The following DPP6 variants were observed in gnomAD, a reference collection of about 807,000 sequenced individuals.
DPP6 encodes dipeptidyl peptidase like 6.
DPP6 carries 69 observed loss-of-function variants against 122.6 expected under a neutral mutation model. That is an observed-to-expected ratio of 0.56 (90% CI 0.46 to 0.69). The LOEUF (loss-of-function observed/expected upper bound fraction) is 0.69, where lower values mean the gene tolerates loss of function less well. Ranked by LOEUF, DPP6 falls within the 30% of genes least tolerant of loss-of-function variation. DPP6 has a pLI of 0.00. For synonymous variants in DPP6, 418 were observed against 433.1 expected (o/e 0.97, Z 0.43); for missense variants, 928 against 1,116.9 (o/e 0.83, Z 2.41).
intron 1 of DPP6, among the ~76,000 whole-genome samples, chr7:153,925,733 C>T (rs761272431): frequency 1.1e-4 from 16 of 151,930 alleles, no homozygotes; most frequent in Non-Finnish European, 1.9e-4. Flanking sequence ...TTTGGATGAA[C>T]GGAGATCATC....
intron 1 of DPP6, among the ~76,000 whole-genome samples, chr7:154,153,908 G>A (rs1167415846): frequency 3.9e-5 from 6 of 152,158 alleles, no homozygotes. Flanking sequence ...GCCGTGGGTG[G>A]CAAACTCTCA....
chr7:153,877,850 G>C, the DPP6 span, among the ~76,000 whole-genome samples: 4 of 151,988 alleles, frequency 2.6e-5, no homozygotes, highest in African/African-American at 9.7e-5. Flanking sequence ...AGAAGTATTT[G>C]CAATGCTTAT....
intron 1 of DPP6, among the ~76,000 whole-genome samples, chr7:154,146,385 C>G (rs1304606321): frequency 7.1e-6 from 1 of 140,590 alleles, no homozygotes; most frequent in African/African-American, 2.5e-5. Context: ...CAAAATAGAT[C>G]CCACAGCACT....
intron 5 of DPP6, among the ~76,000 whole-genome samples, chr7:154,593,512 C>G (rs1832921718): frequency 6.6e-6 from 1 of 152,228 alleles, no homozygotes; most frequent in Non-Finnish European, 1.5e-5. Context: ...ATTATCAACT[C>G]TGGCAAGCTC....
Position 154,052,765 on chromosome 7 carries a change from A to T in DPP6, c.-56A>T. Reference sequence around the variant, plus strand: ...GAGCGGGGTGGGGAGTGGGAACCGGAGAGAAAGCAAAATATTAAAAAGCCC... The same window carrying T: ...GAGCGGGGTGGGGAGTGGGAACCGGTGAGAAAGCAAAATATTAAAAAGCCC... On this transcript the variant is annotated 5_prime_UTR_variant, in exon 1 of 26. Transcript: ENST00000377770. This position sits in a 1 kb window ranked among gnomAD's most constrained non-coding sequence, Gnocchi z 4.8. The T allele has an allele frequency of 7.4e-7, 1 of 1,358,456 alleles. No homozygotes were observed. 84.2% of individuals were successfully genotyped at this position (1,358,456 alleles called of 1,614,324 possible). A position where few individuals can be genotyped will look rare whatever the true frequency, so the allele number is the denominator to read the frequency against.
the DPP6 span, among the ~76,000 whole-genome samples, chr7:153,817,521 A>T: frequency 2.0e-5 from 3 of 151,752 alleles, no homozygotes; most frequent in Non-Finnish European, 4.4e-5. Context: ...CACAGAAAAG[A>T]TAAAAGTCAC....
intron 3 of DPP6, among the ~76,000 whole-genome samples, chr7:154,525,736 G>T (rs1264800188): frequency 2.9e-5 from 4 of 140,138 alleles, no homozygotes; most frequent in Non-Finnish European, 1.6e-5. Context: ...ATGTCTATTG[G>T]TTTTGTTGTT....
At chr7:153,886,742 T>C (rs189612446), upstream of DPP6, among the ~76,000 whole-genome samples, 152 of 152,146 alleles carry the variant, frequency 1.0e-3, no homozygotes, top group African/African-American at 3.3e-3. Context: ...TAGTAACCTG[T>C]TACAACATTA....
the DPP6 span, among the ~76,000 whole-genome samples, chr7:153,864,670 A>AACAC: frequency 9.9e-6 from 1 of 100,504 alleles, no homozygotes; most frequent in Non-Finnish European, 2.0e-5. Context: ...AAATAATAAT[A>AACAC]ATACACACAC....
the DPP6 span, among the ~76,000 whole-genome samples, chr7:153,779,240 C>G: frequency 6.8e-6 from 1 of 146,026 alleles, no homozygotes. Flanking sequence ...AGAGAAAATT[C>G]AAGATAAGCA....
At chr7:154,827,813 G>C (rs1800297611) in intron 16 of DPP6, among the ~76,000 whole-genome samples, 1 of 151,938 alleles carries the variant, frequency 6.6e-6, no homozygotes, top group African/African-American at 2.4e-5. Context: ...CAGATCCCAA[G>C]CGGAGTGAGG....
At chr7:154,140,151 C>G (rs1770007018) in intron 1 of DPP6, among the ~76,000 whole-genome samples, 1 of 152,188 alleles carries the variant, frequency 6.6e-6, no homozygotes, top group East Asian at 1.9e-4. Context: ...AATGTGCACT[C>G]AAGGAGCTCA....
rs369631649 is a variant in DPP6 at position 154,090,220 on chromosome 7, G to A, written c.243+37157G>A. Among the ~76,000 whole-genome samples, 739 of 152,110 alleles carry A rather than the reference G, an allele frequency of 4.9e-3. 5 individuals are homozygous for A. Among genetic ancestry groups the A allele is most frequent in the South Asian group, 0.023 (112 of 4,818 alleles). On this transcript the variant is annotated intron_variant, in intron 1 of 25. Transcript: ENST00000377770. ...TCATCTTTCCCAGTCTTCACACTTC[G>A]AGGACCCTCACTGCTGGTGGGGAGG...
At chr7:154,090,631 A>C (rs1804739433) in intron 1 of DPP6, among the ~76,000 whole-genome samples, 1 of 151,952 alleles carries the variant, frequency 6.6e-6, no homozygotes, top group Non-Finnish European at 1.5e-5. Flanking sequence ...CAGAGGCTGG[A>C]CTTGCTGCTT....
rs948455437 is a variant in DPP6, at chr7:154,624,233, C to T, written c.628-13588C>T. Among the ~76,000 whole-genome samples, 7 of 151,452 alleles carry T rather than the reference C, an allele frequency of 4.6e-5. No homozygotes were observed. Among genetic ancestry groups the T allele is most frequent in the Admixed American group, 2.6e-4 (4 of 15,172 alleles). On this transcript the variant is annotated intron_variant, in intron 5 of 25. Transcript: ENST00000377770. The surrounding 1 kb of genome is among the most constrained non-coding windows in gnomAD (Gnocchi z 4.7). ...AATCCAGCTACTTGGGAGGCTGAGG[C>T]AGAGAATTGCTTGAACCCGGGAGGC...
At chr7:153,903,766 C>G (rs1468138837) in intron 1 of DPP6, among the ~76,000 whole-genome samples, 1 of 151,860 alleles carries the variant, frequency 6.6e-6, no homozygotes. Context: ...AGCACCTCAT[C>G]TTTTGTCTTT....
At chr7:154,562,062 G>A (rs1286264529) in intron 4 of DPP6, among the ~76,000 whole-genome samples, 1 of 152,108 alleles carries the variant, frequency 6.6e-6, no homozygotes, top group Non-Finnish European at 1.5e-5. Context: ...ACAAATAGAA[G>A]AGGAGGAAGA....
chr7:154,717,764 A>G (rs886229302), intron 7 of DPP6, among the ~76,000 whole-genome samples: 2 of 152,160 alleles, frequency 1.3e-5, no homozygotes, highest in African/African-American at 4.8e-5. Context: ...TACCCAGTAT[A>G]CAACCATATG....
the DPP6 span, among the ~76,000 whole-genome samples, chr7:153,773,909 A>G: frequency 6.6e-6 from 1 of 151,806 alleles, no homozygotes; most frequent in Admixed American, 6.6e-5. Flanking sequence ...AATCAATTAA[A>G]CCGAAAGCTG....
Sources: gnomAD v4.1 joint callset for allele counts (sites outside exome capture counted in the v4.1 genomes callset) on GRCh38, gnomAD v4.1.1 for gene constraint, Gnocchi (gnomAD v3.1) non-coding constraint, MANE v1.5 for transcripts, NCBI Gene and HGNC (gene_info 2026-07-23, HGNC 2026-07-21) for gene names.